The following PLCH1 variants were observed in gnomAD, a reference collection of about 807,000 sequenced individuals.
The protein encoded by PLCH1 is phospholipase C eta 1.
In PLCH1, 60 loss-of-function variants were observed where a neutral mutation model predicts 126.7. That is an observed-to-expected ratio of 0.47 (90% CI 0.38 to 0.59). The LOEUF is 0.59. PLCH1 is among the 20% of genes least tolerant of loss of function. The pLI is 0.00. For synonymous variants in PLCH1, 719 were observed against 734.9 expected (o/e 0.98, Z 0.35); for missense variants, 1,723 against 2,040.0 (o/e 0.84, Z 2.99).
In PLCH1 at chr3:155,699,340, G is replaced by T. The variant is rs1193719676; in HGVS notation, c.79+4806C>A. ...GATCCACCTGCCTCGGCCTCCCAAA[G>T]TGCTGGGATTACAGGCGTGAACCAC... On this transcript the variant is annotated intron_variant, in intron 2 of 22. Coordinates refer to ENST00000460012, the MANE Select transcript of PLCH1 (RefSeq NM_014996.4). Among the ~76,000 whole-genome samples, 3 of 152,272 alleles carry T rather than the reference G, an allele frequency of 2.0e-5. No individual in the cohort carries two copies. In the East Asian group the frequency reaches 5.8e-4, roughly 29 times the overall value.
chr3:155,546,481 T>A (rs1185483924), intron 10 of PLCH1, among the ~76,000 whole-genome samples: 1 of 152,028 alleles, frequency 6.6e-6, no homozygotes, highest in Non-Finnish European at 1.5e-5. Context: ...ATTTATAGAT[T>A]CAATGCCATC....
intron 1 of PLCH1, among the ~76,000 whole-genome samples, chr3:155,728,068 C>A (rs557483686): frequency 1.7e-4 from 26 of 152,288 alleles, no homozygotes; most frequent in African/African-American, 5.8e-4. Context: ...CAAGGCAAAT[C>A]CAGCTTCAGT....
At chr3:155,669,405 C>G (rs1743161486) in intron 2 of PLCH1, among the ~76,000 whole-genome samples, 1 of 152,050 alleles carries the variant, frequency 6.6e-6, no homozygotes, top group Admixed American at 6.6e-5. Flanking sequence ...ATACTGAGAC[C>G]CCATCTCTAA....
chr3:155,503,998 T>C (rs1033633675), intron 13 of PLCH1, among the ~76,000 whole-genome samples: 9 of 152,252 alleles, frequency 5.9e-5, no homozygotes, highest in African/African-American at 2.2e-4. Context: ...CTCACTAACA[T>C]TTGGTTCTTG....
At chr3:155,486,148 T>A (rs1576797399) in intron 21 of PLCH1, 1 of 1,537,310 alleles carries the variant, frequency 6.5e-7, no homozygotes, top group East Asian at 2.4e-5. Flanking sequence ...AGAAACTACC[T>A]TTGTAGCTCC....
chr3:155,452,124 T>G (rs956613923), intron 21 of PLCH1, among the ~76,000 whole-genome samples: 19 of 152,146 alleles, frequency 1.2e-4, no homozygotes, highest in African/African-American at 4.6e-4. Context: ...AAAAAGAGGT[T>G]TAATCGGACT....
intron 2 of PLCH1, among the ~76,000 whole-genome samples, chr3:155,610,362 G>GAC: frequency 2.1e-5 from 1 of 46,686 alleles, no homozygotes; most frequent in African/African-American, 1.7e-4. Context: ...ACTGCGTCTG[G>GAC]AGAAAAAAAA....
chr3:155,717,269 T>C (rs1162419195), intron 1 of PLCH1, among the ~76,000 whole-genome samples: 1 of 152,238 alleles, frequency 6.6e-6, no homozygotes, highest in Non-Finnish European at 1.5e-5. Flanking sequence ...TGGAGCAGTA[T>C]ACAAGCTGCC....
chr3:155,587,607 T>C (rs779664876), intron 4 of PLCH1, among the ~76,000 whole-genome samples: 3 of 152,218 alleles, frequency 2.0e-5, no homozygotes, highest in Non-Finnish European at 4.4e-5. Context: ...AGTACAAACA[T>C]AATGTGCTAG....
At chr3:155,651,273 A>C (rs891008866) in intron 2 of PLCH1, among the ~76,000 whole-genome samples, 1 of 152,262 alleles carries the variant, frequency 6.6e-6, no homozygotes, top group African/African-American at 2.4e-5. Context: ...TGCCTGTTAT[A>C]GCATTATTTG....
chr3:155,543,955 C>T (rs1576966838), intron 10 of PLCH1, among the ~76,000 whole-genome samples: 1 of 151,936 alleles, frequency 6.6e-6, no homozygotes, highest in Non-Finnish European at 1.5e-5. Context: ...TAAAGACCAT[C>T]GAGGCTAGGA....
chr3:155,736,056 A>G (rs759956067), intron 1 of PLCH1, among the ~76,000 whole-genome samples: 2 of 152,242 alleles, frequency 1.3e-5, no homozygotes, highest in Non-Finnish European at 2.9e-5. Context: ...GAAGAATTCT[A>G]TGAGAAAACG....
At chr3:155,632,996 T>C (rs1403570648) in intron 2 of PLCH1, among the ~76,000 whole-genome samples, 1 of 152,088 alleles carries the variant, frequency 6.6e-6, no homozygotes, top group Non-Finnish European at 1.5e-5. Flanking sequence ...AGGTCAGTGG[T>C]TGACCATAAC....
intron 1 of PLCH1, among the ~76,000 whole-genome samples, chr3:155,716,642 C>A (rs374318690): frequency 6.6e-6 from 1 of 152,308 alleles, no homozygotes; most frequent in African/African-American, 2.4e-5. Flanking sequence ...CACTTACTAT[C>A]GTGAGGACAG....
Position 155,593,950 on chromosome 3 carries a change from G to A in PLCH1, c.461C>T (p.Thr154Ile). The A allele has an allele frequency of 1.2e-6, 2 of 1,614,034 alleles. No individual in the cohort carries two copies. The highest frequency in any genetic ancestry group is 1.7e-6 in the Non-Finnish European group (2 of 1,179,946). The change falls in exon 4 of 23, where the codon ACC (threonine) becomes ATC (isoleucine). Residue 154 changes from threonine to isoleucine, a missense_variant. Physicochemically the swap from Thr to Ile is moderately conservative, Grantham distance 89 (BLOSUM62 -1). This residue lies in a region of PLCH1 where 776 missense variants were observed against 1,062.9 expected (regional missense o/e 0.73). Coordinates refer to ENST00000460012, the MANE Select transcript of PLCH1 (RefSeq NM_014996.4). ...GTTCTAGAAAGGATATTGGTCATGGGTCCTCTGCCTTTTGGCAAGGGAGTC... is the reference window on the plus strand; with the variant it reads ...GTTCTAGAAAGGATATTGGTCATGGATCCTCTGCCTTTTGGCAAGGGAGTC... ...DEDSLAKRQRTHDQWVKQTFE... is the reference protein window; with the variant it reads ...DEDSLAKRQRIHDQWVKQTFE...
At chr3:155,467,379 G>C (rs929268019) in intron 21 of PLCH1, among the ~76,000 whole-genome samples, 1 of 152,086 alleles carries the variant, frequency 6.6e-6, no homozygotes, top group Non-Finnish European at 1.5e-5. Context: ...TTCGAGACCA[G>C]CCTGGCCAAC....
At chr3:155,715,014 T>A (rs2109116314) in intron 1 of PLCH1, among the ~76,000 whole-genome samples, 1 of 152,280 alleles carries the variant, frequency 6.6e-6, no homozygotes, top group African/African-American at 2.4e-5. Flanking sequence ...TATTTATAAA[T>A]TACAGCATTA....
At chr3:155,618,442 T>G (rs1464826311) in intron 2 of PLCH1, among the ~76,000 whole-genome samples, 2 of 152,178 alleles carry the variant, frequency 1.3e-5, no homozygotes, top group Non-Finnish European at 2.9e-5. Context: ...CCTCCTCTTC[T>G]GTAACTAAGA....
In PLCH1 at chr3:155,481,212, A is replaced by C. The variant is rs779443225; in HGVS notation, c.4814T>G (p.Val1605Gly). ...KVPNPSNGAG[V>G]VLRNKPSAPT... ...TGCTGAGGGTTTGTTTCTAAGAACC[A>C]CTCCTGCCCCATTGCTGGGGTTTGG... The change falls in exon 23 of 23, where the codon GTG becomes GGG. Residue 1605 changes from valine to glycine, a missense_variant. By Grantham distance (109) the Val-to-Gly change is moderately radical (BLOSUM62 -3). Around this residue, in one of 2 missense-constraint regions of PLCH1, gnomAD observed 947 missense variants for 977.1 expected, o/e 0.97. Coordinates refer to ENST00000460012, the MANE Select transcript of PLCH1 (RefSeq NM_014996.4). This position sits in a 1 kb window ranked among gnomAD's most constrained non-coding sequence, Gnocchi z 4.2. 1.2e-6 allele frequency: 2 copies of C among 1,613,908 alleles called. No individual in the cohort carries two copies. The highest frequency in any genetic ancestry group is 1.1e-5 in the South Asian group (1 of 91,072).
Sources: gnomAD v4.1 joint callset for allele counts (sites outside exome capture counted in the v4.1 genomes callset) on GRCh38, gnomAD v4.1.1 for gene constraint, gnomAD v4.1.1 regional missense constraint, Gnocchi (gnomAD v3.1) non-coding constraint, MANE v1.5 for transcripts, NCBI Gene and HGNC (gene_info 2026-07-23, HGNC 2026-07-21) for gene names.